Variants in MAP2 observed in about 807,000 individuals in gnomAD.
The protein encoded by MAP2 is microtubule associated protein 2.
MAP2 carries 14 observed loss-of-function variants against 137.6 expected under a neutral mutation model. The observed-to-expected ratio is 0.10, with a 90% CI of 0.07 to 0.16. The LOEUF is 0.16. Among genes scored for constraint, MAP2 ranks in the 10% least tolerant of loss-of-function variants. MAP2 has a pLI of 1.00. For synonymous variants in MAP2, 786 were observed against 782.3 expected (o/e 1.00, Z -0.08); for missense variants, 2,088 against 2,191.5 (o/e 0.95, Z 0.94).
intron 2 of MAP2, among the ~76,000 whole-genome samples, chr2:209,552,978 CAA>C (rs1414677352): frequency 6.6e-6 from 1 of 151,026 alleles, no homozygotes; most frequent in Non-Finnish European, 1.5e-5. Context: ...TGCACTGTCA[CAA>C]AACAGAGTTA....
chr2:209,666,037 C>G (rs1436892691), intron 5 of MAP2, among the ~76,000 whole-genome samples: 1 of 152,006 alleles, frequency 6.6e-6, no homozygotes, highest in African/African-American at 2.4e-5. Context: ...TACTTTTTCT[C>G]CTTGTTGAAT....
At chr2:209,494,133 G>C (rs1382865504) in intron 1 of MAP2, among the ~76,000 whole-genome samples, 2 of 151,944 alleles carry the variant, frequency 1.3e-5, no homozygotes, top group Non-Finnish European at 2.9e-5. Context: ...GTCCTTTGCA[G>C]GGTCATGGAT....
intron 2 of MAP2, among the ~76,000 whole-genome samples, chr2:209,552,335 T>TC (rs1284726221): frequency 6.6e-6 from 1 of 152,164 alleles, no homozygotes. Flanking sequence ...CTTCCTGCAT[T>TC]CATCCATCTG....
intron 2 of MAP2, among the ~76,000 whole-genome samples, chr2:209,559,264 C>G (rs971591005): frequency 2.0e-5 from 3 of 151,910 alleles, no homozygotes; most frequent in African/African-American, 7.3e-5. Context: ...TCTCTATAGC[C>G]TCATGGATTT....
intron 1 of MAP2, among the ~76,000 whole-genome samples, chr2:209,429,708 A>G (rs1693718733): frequency 6.6e-6 from 1 of 152,058 alleles, no homozygotes; most frequent in South Asian, 2.1e-4. Context: ...ATACAAACTG[A>G]CTCTATTTGA....
intron 2 of MAP2, among the ~76,000 whole-genome samples, chr2:209,527,624 C>A (rs546827378): frequency 6.6e-6 from 1 of 152,100 alleles, no homozygotes; most frequent in Non-Finnish European, 1.5e-5. Flanking sequence ...TAGTGTGACA[C>A]CATGTGTGGC....
At chr2:209,434,613 G>C (rs776948083) in intron 1 of MAP2, among the ~76,000 whole-genome samples, 1 of 151,392 alleles carries the variant, frequency 6.6e-6, no homozygotes, top group East Asian at 1.9e-4. Context: ...TCTGAGGCAA[G>C]AGTTCAAGAC....
chr2:209,720,819 T>C (rs996311784), intron 13 of MAP2, among the ~76,000 whole-genome samples: 3 of 152,066 alleles, frequency 2.0e-5, no homozygotes, highest in African/African-American at 7.2e-5. Context: ...GTTAAAATAA[T>C]TTTCTCTTGA....
intron 4 of MAP2, among the ~76,000 whole-genome samples, chr2:209,641,477 A>G (rs2094017036): frequency 6.6e-6 from 1 of 151,824 alleles, no homozygotes; most frequent in Non-Finnish European, 1.5e-5. Context: ...TGTAGGGGTC[A>G]AAGTTTATTT....
At position 209,710,113 on chromosome 2, in the gene MAP2, C is replaced by G. The variant is rs140691086; in HGVS notation, c.4932C>G (p.Val1644=). The stretch of plus-strand genomic sequence containing the variant: ...TCTTGGTGCCGAGTGAGAAGAAGGT[C>G]GCCATCATACGTACTCCTCCAAAAT... ...SAILVPSEKK[V]AIIRTPPKSP... Residue 1644 remains valine (V), a synonymous_variant, in exon 13 of 16, where the codon GTC becomes GTG. Transcript: ENST00000682079. 3.1e-6 allele frequency: 5 copies of G among 1,613,986 alleles called. No individual in the cohort carries two copies. The highest frequency in any genetic ancestry group is 2.7e-5 in the African/African-American group (2 of 74,986).
At chr2:209,468,826 C>T (rs568750177) in intron 1 of MAP2, among the ~76,000 whole-genome samples, 2 of 151,996 alleles carry the variant, frequency 1.3e-5, no homozygotes, top group East Asian at 3.9e-4. Context: ...TATATATTAC[C>T]CTTACTTAGT....
At chr2:209,727,575 G>A (rs2074517850) in intron 14 of MAP2, among the ~76,000 whole-genome samples, 1 of 152,188 alleles carries the variant, frequency 6.6e-6, no homozygotes, top group East Asian at 1.9e-4. Flanking sequence ...AATTCATAAA[G>A]AAGTGTAAGC....
chr2:209,526,801 G>A (rs918130614), intron 2 of MAP2, among the ~76,000 whole-genome samples: 4 of 151,370 alleles, frequency 2.6e-5, no homozygotes, highest in African/African-American at 9.7e-5. Context: ...GTTTTCTGAT[G>A]ATGGTCATGT....
At chr2:209,431,179 T>C (rs1694170726) in intron 1 of MAP2, among the ~76,000 whole-genome samples, 1 of 152,084 alleles carries the variant, frequency 6.6e-6, no homozygotes, top group Non-Finnish European at 1.5e-5. Context: ...TCCCAAATGG[T>C]ATCATGAGGG....
At chr2:209,608,029 T>A (rs1053473994) in intron 3 of MAP2, among the ~76,000 whole-genome samples, 2 of 152,202 alleles carry the variant, frequency 1.3e-5, no homozygotes, top group African/African-American at 4.8e-5. Flanking sequence ...TCTCCTGTGA[T>A]CATCTTATTT....
chr2:209,683,511 A>C (rs1023019167), intron 7 of MAP2, among the ~76,000 whole-genome samples: 1 of 152,004 alleles, frequency 6.6e-6, no homozygotes, highest in Non-Finnish European at 1.5e-5. Flanking sequence ...TTTCTCTTTT[A>C]TGTTAAGCCA....
At chr2:209,532,556 G>A (rs1000959374) in intron 2 of MAP2, among the ~76,000 whole-genome samples, 9 of 152,280 alleles carry the variant, frequency 5.9e-5, no homozygotes, top group South Asian at 4.1e-4. Flanking sequence ...TTCAAGTTGA[G>A]ACAGTCTGAA....
chr2:209,630,503 G>A (rs1247000463), intron 4 of MAP2, among the ~76,000 whole-genome samples: 1 of 152,138 alleles, frequency 6.6e-6, no homozygotes, highest in Non-Finnish European at 1.5e-5. Flanking sequence ...ACCAGGTGGT[G>A]CATATATAGT....
At position 209,693,308 on chromosome 2, in the gene MAP2, G is replaced by T. The variant is rs1289215995; in HGVS notation, c.1138G>T (p.Ala380Ser). 3 of 1,613,902 alleles carry T rather than the reference G, an allele frequency of 1.9e-6. No homozygotes were observed. The highest frequency in any genetic ancestry group is 2.5e-6 in the Non-Finnish European group (3 of 1,179,964). The change falls in exon 8 of 16, where the codon GCA (alanine) becomes TCA (serine). Residue 380 changes from alanine to serine, a missense_variant. Transcript: ENST00000682079. ...EPHEAKPDKM[A>S]EAPPSEAMTL... ...CCATGAGGCTAAACCTGACAAAATG[G>T]CAGAAGCACCACCCTCAGAGGCAAT...
Sources: gnomAD v4.1 joint callset for allele counts (sites outside exome capture counted in the v4.1 genomes callset) on GRCh38, gnomAD v4.1.1 for gene constraint, MANE v1.5 for transcripts, NCBI Gene and HGNC (gene_info 2026-07-23, HGNC 2026-07-21) for gene names.